RIGI: variants seen among roughly 807,000 people sequenced by gnomAD.
RIGI encodes RNA sensor RIG-I, also known as antiviral innate immune response receptor RIG-I.
At chr9:32,491,483 A>C in the RIGI span, 3 of 1,373,674 alleles carry the variant, frequency 2.2e-6, no homozygotes, top group South Asian at 4.1e-5. Flanking sequence ...TGATGGTGAA[A>C]GCTCCACAAA....
At chr9:32,499,752 G>A in the RIGI span, among the ~76,000 whole-genome samples, 5 of 151,422 alleles carry the variant, frequency 3.3e-5, no homozygotes, top group Admixed American at 6.6e-5. Context: ...CACCACACCC[G>A]GCCCAGGGTT....
chr9:32,504,603 C>G, the RIGI span, among the ~76,000 whole-genome samples: 2 of 151,132 alleles, frequency 1.3e-5, no homozygotes, highest in Non-Finnish European at 2.9e-5. Context: ...GCTTGAACCC[C>G]AGAGATGGAG....
chr9:32,511,968 C>T, the RIGI span, among the ~76,000 whole-genome samples: 3 of 152,138 alleles, frequency 2.0e-5, no homozygotes, highest in African/African-American at 7.2e-5. Flanking sequence ...CACAAATACA[C>T]TAGAAAATCT....
chr9:32,515,090 G>A, the RIGI span, among the ~76,000 whole-genome samples: 4 of 152,094 alleles, frequency 2.6e-5, no homozygotes, highest in Non-Finnish European at 2.9e-5. Context: ...TGTTGATTCC[G>A]TTAGAGGAAA....
the RIGI span, chr9:32,468,070 A>C: frequency 1.4e-6 from 1 of 724,606 alleles, no homozygotes; most frequent in Non-Finnish European, 2.1e-6. Context: ...CTCACAACAC[A>C]CCTAGGCAGT....
At chr9:32,518,954 C>T in the RIGI span, among the ~76,000 whole-genome samples, 2,244 of 152,306 alleles carry the variant, frequency 0.015, 51 homozygotes, top group African/African-American at 0.05. Context: ...AAGTGATTCA[C>T]CCATCTTGGC....
At chr9:32,486,972 T>C in the RIGI span, among the ~76,000 whole-genome samples, 1 of 152,248 alleles carries the variant, frequency 6.6e-6, no homozygotes, top group African/African-American at 2.4e-5. Flanking sequence ...TATCCCTCTC[T>C]TCCTTTCAGG....
chr9:32,492,314 G>C, the RIGI span: 1 of 1,510,226 alleles, frequency 6.6e-7, no homozygotes, highest in Non-Finnish European at 9.0e-7. Context: ...GGGGAAAAAC[G>C]CCTCTGATGG....
chr9:32,456,679 G>A, the RIGI span: 1 of 158,836 alleles, frequency 6.3e-6, no homozygotes, highest in Non-Finnish European at 1.4e-5. Context: ...AGGTTAAGAA[G>A]TGCCCAGTGG....
the RIGI span, among the ~76,000 whole-genome samples, chr9:32,479,363 A>G: frequency 2.0e-5 from 3 of 152,284 alleles, no homozygotes; most frequent in Non-Finnish European, 4.4e-5. Context: ...CTGGTTACAC[A>G]TATGTACAGT....
chr9:32,503,871 G>A, the RIGI span, among the ~76,000 whole-genome samples: 130 of 152,104 alleles, frequency 8.5e-4, 1 homozygote, highest in South Asian at 0.02. Context: ...GTGAAACCCC[G>A]TCTCTACTAA....
chr9:32,493,859 G>A, the RIGI span: 14 of 1,609,126 alleles, frequency 8.7e-6, no homozygotes, highest in East Asian at 6.7e-5. Flanking sequence ...GGTTGTAAAC[G>A]TTTTAAAAGT....
chr9:32,501,589 G>A, the RIGI span, among the ~76,000 whole-genome samples: 17,241 of 152,200 alleles, frequency 0.11, 1,081 homozygotes, highest in Middle Eastern at 0.29. Flanking sequence ...CAACCTGCTG[G>A]TGGTCATTCT....
At chr9:32,484,343 G>T in the RIGI span, among the ~76,000 whole-genome samples, 1 of 152,126 alleles carries the variant, frequency 6.6e-6, no homozygotes, top group Non-Finnish European at 1.5e-5. Flanking sequence ...GAAAGAAAAG[G>T]GGAGAGAAAA....
chr9:32,460,206 C>T, the RIGI span, among the ~76,000 whole-genome samples: 2 of 152,212 alleles, frequency 1.3e-5, no homozygotes, highest in Non-Finnish European at 2.9e-5. Flanking sequence ...GAGGCCTCCC[C>T]AGCCATGTGG....
chr9:32,490,599 TACC>T, the RIGI span, among the ~76,000 whole-genome samples: 2 of 152,218 alleles, frequency 1.3e-5, no homozygotes, highest in Non-Finnish European at 2.9e-5. Context: ...ATTTTTCTTC[TACC>T]ACCACTATTA....
At chr9:32,510,417 G>C in the RIGI span, among the ~76,000 whole-genome samples, 3 of 152,212 alleles carry the variant, frequency 2.0e-5, no homozygotes, top group East Asian at 1.9e-4. Context: ...AGCCAGAAGA[G>C]AGTGGGGGCC....
chr9:32,516,314 G>A, the RIGI span, among the ~76,000 whole-genome samples: 801 of 152,270 alleles, frequency 5.3e-3, 4 homozygotes, highest in African/African-American at 0.018. Flanking sequence ...CTTGGCTACA[G>A]CTCCCAATTA....
chr9:32,464,678 T>C, the RIGI span, among the ~76,000 whole-genome samples: 1 of 152,124 alleles, frequency 6.6e-6, no homozygotes, highest in African/African-American at 2.4e-5. Context: ...CGCCCGGCCT[T>C]TACTAAGCCT....
Sources: gnomAD v4.1 joint callset for allele counts (sites outside exome capture counted in the v4.1 genomes callset) on GRCh38, gnomAD v4.1.1 for gene constraint, MANE v1.5 for transcripts, NCBI Gene and HGNC (gene_info 2026-07-23, HGNC 2026-07-21) for gene names.